The following COPS2 variants were observed in gnomAD, a reference collection of about 807,000 sequenced individuals.
COPS2 encodes the protein COP9 signalosome subunit 2.
In COPS2, 10 loss-of-function variants were observed where a neutral mutation model predicts 66.1. The ratio of observed to expected loss-of-function variants is 0.15; its 90% CI spans 0.09 to 0.26. COPS2 has a LOEUF of 0.26. COPS2 is among the 10% of genes least tolerant of loss of function. The probability of loss-of-function intolerance (pLI) is 1.00; values close to 1 mark genes in which losing one functional copy is unlikely to be tolerated. For synonymous variants in COPS2, 179 were observed against 171.3 expected, an observed-to-expected ratio of 1.04 and a Z score of -0.35; for missense variants, 215 against 513.3, an observed-to-expected ratio of 0.42 and a Z score of 5.62.
intron 6 of COPS2, among the ~76,000 whole-genome samples, chr15:49,136,724 C>G (rs1010729921): frequency 1.3e-5 from 2 of 152,050 alleles, no homozygotes; most frequent in Non-Finnish European, 2.9e-5. Context: ...CATGGTGGCT[C>G]ACACCTGTAA....
At position 49,145,652 on chromosome 15, in the gene COPS2, C is replaced by A. The variant is rs566355798; in HGVS notation, c.55-574G>T. On this transcript the variant is annotated intron_variant, in intron 1 of 12. Transcript: ENST00000388901. ...CTGTTTATACTAATGTTAACTTAAT[C>A]AGCTTTATAACAAATCAAAATAAAT... 1.4e-4 allele frequency among the ~76,000 whole-genome samples: 21 copies of A among 152,104 alleles called. No individual in the cohort carries two copies. The South Asian group carries it at 3.9e-3, about 29-fold the overall frequency.
At position 49,126,765 on chromosome 15, in the gene COPS2, C is replaced by T. The variant is rs1008623248; in HGVS notation, c.*1185G>A. The T allele has an allele frequency of 2.0e-5, 3 of 152,112 alleles. No homozygotes were observed. Among genetic ancestry groups the T allele is most frequent in the African/African-American group, 4.8e-5 (2 of 41,450 alleles). 9.4% of individuals were successfully genotyped at this position (152,112 alleles called of 1,614,324 possible). ...GATTGCCTTCAAAGCCAGTTATATA[C>T]TTTCTGCATTACCTCAAAGTTAGGT... On this transcript the variant is annotated 3_prime_UTR_variant, in exon 13 of 13. Coordinates refer to ENST00000388901, the MANE Select transcript of COPS2 (RefSeq NM_004236.4).
intron 4 of COPS2, among the ~76,000 whole-genome samples, chr15:49,138,647 G>A (rs1249074099): frequency 6.6e-6 from 1 of 152,092 alleles, no homozygotes; most frequent in Non-Finnish European, 1.5e-5. Flanking sequence ...AACAAAACAT[G>A]TAAGTTTACC....
At position 49,123,056 on chromosome 15, in the gene COPS2, C is replaced by T. The variant is rs924184817; in HGVS notation, c.*4894G>A. On this transcript the variant is annotated 3_prime_UTR_variant, in exon 13 of 13. Transcript: ENST00000388901. The stretch of plus-strand genomic sequence containing the variant: ...CTTTCTATTTTCCATGTCATTGCTC[C>T]ATTTCTTGAAATATATTTTAATTTT... 9.2e-5 allele frequency: 14 copies of T among 152,146 alleles called. No homozygotes were observed. The highest frequency in any genetic ancestry group is 3.4e-4 in the African/African-American group (14 of 41,444). The allele number at this position is 152,146 out of a possible 1,614,324, so 9.4% of individuals were successfully genotyped here.
At chr15:49,133,835 T>G in intron 8 of COPS2, 24 bp from the exon 9 acceptor site, 1 of 1,558,280 alleles carries the variant, frequency 6.4e-7, no homozygotes, top group South Asian at 1.2e-5. Flanking sequence ...AGAAAAAAAT[T>G]AAATATATGT....
chr15:49,141,977 T>C (rs1054972670), intron 3 of COPS2, among the ~76,000 whole-genome samples: 7 of 152,192 alleles, frequency 4.6e-5, no homozygotes, highest in Non-Finnish European at 2.9e-5. Context: ...TCACAGAACC[T>C]ACGAGTTAAA....
rs1241084514 is a variant in COPS2, at chr15:49,133,820, A to G, written c.895-9T>C. The G allele has an allele frequency of 6.3e-7, 1 of 1,575,516 alleles. No homozygotes were observed. The highest frequency in any genetic ancestry group is 1.2e-5 in the South Asian group (1 of 83,412). On this transcript the variant is annotated splice_polypyrimidine_tract_variant and intron_variant, in intron 8 of 12. Coordinates refer to ENST00000388901, the MANE Select transcript of COPS2 (RefSeq NM_004236.4). The stretch of plus-strand genomic sequence containing the variant: ...TTTTTGTACGGCTTGGCCTAAACAC[A>G]GTAAAGAAAAAAATTAAATATATGT...
At chr15:49,149,308 CT>C (rs1239250354) in intron 1 of COPS2, among the ~76,000 whole-genome samples, 1 of 152,200 alleles carries the variant, frequency 6.6e-6, no homozygotes, top group African/African-American at 2.4e-5. Context: ...TTCTAAACCA[CT>C]TTCCCTCCTA....
Position 49,130,828 on chromosome 15 carries a change from A to C in COPS2, c.948-12T>G. 7.2e-7 allele frequency: 1 copy of C among 1,396,706 alleles called. No individual in the cohort carries two copies. The highest frequency in any genetic ancestry group is 1.0e-6 in the Non-Finnish European group (1 of 985,716). 86.5% of individuals were successfully genotyped at this position (1,396,706 alleles called of 1,614,324 possible). On this transcript the variant is annotated splice_polypyrimidine_tract_variant and intron_variant, in intron 9 of 12. Transcript: ENST00000388901. ...TATTCTGATAGGCACTAATAGAAAA[A>C]CAAAGTGTAAATTATGTCAAACATG...
chr15:49,128,052 T>A lies in COPS2; in HGVS notation c.1230A>T (p.Glu410Asp). The change falls in exon 13 of 13, where the codon GAA becomes GAT. Residue 410 changes from glutamate (E) to aspartate (D), a missense_variant. Around this residue, in one of 5 missense-constraint regions of COPS2, gnomAD observed 42 missense variants for 55.9 expected, o/e 0.75. Transcript: ENST00000388901. ...GRIDQVNQLL[E>D]LDHQKRGGAR... Reference sequence around the variant, plus strand: ...CACCACCCCTCTTCTGATGATCCAGTTCAAGGAGTTGGTTGACTTGATCAA... The same window carrying A: ...CACCACCCCTCTTCTGATGATCCAGATCAAGGAGTTGGTTGACTTGATCAA... The A allele has an allele frequency of 6.2e-7, 1 of 1,613,948 alleles. No individual in the cohort carries two copies. The highest frequency in any genetic ancestry group is 8.5e-7 in the Non-Finnish European group (1 of 1,179,868).
At chr15:49,143,608 G>A (rs1443024133) in intron 3 of COPS2, among the ~76,000 whole-genome samples, 1 of 152,176 alleles carries the variant, frequency 6.6e-6, no homozygotes, top group East Asian at 1.9e-4. Context: ...CCTAGTCAAT[G>A]GAAGAGAAAC....
rs899851702 is a variant in COPS2, at chr15:49,125,891, A to C, written c.*2059T>G. The stretch of plus-strand genomic sequence containing the variant: ...CACTATTGTACAAAGCAAAGATAGC[A>C]CAGGAGAACTGGGCACTGTAAGAAT... On this transcript the variant is annotated 3_prime_UTR_variant, in exon 13 of 13. Coordinates refer to ENST00000388901, the MANE Select transcript of COPS2 (RefSeq NM_004236.4). 7 of 152,254 alleles carry C rather than the reference A, an allele frequency of 4.6e-5. No individual in the cohort carries two copies. Among genetic ancestry groups the C allele is most frequent in the African/African-American group, 1.7e-4 (7 of 41,584 alleles). 9.4% of individuals were successfully genotyped at this position (152,254 alleles called of 1,614,324 possible). A position where few individuals can be genotyped will look rare whatever the true frequency, so the allele number is the denominator to read the frequency against.
chr15:49,138,401 T>G (rs2084268266), intron 4 of COPS2, among the ~76,000 whole-genome samples: 1 of 152,192 alleles, frequency 6.6e-6, no homozygotes, highest in African/African-American at 2.4e-5. Context: ...CTGTTGTTAC[T>G]TTCAAAAGAC....
chr15:49,155,229 CAGAGAACCGAA>C (rs1326251780), intron 1 of COPS2, among the ~76,000 whole-genome samples: 4 of 152,244 alleles, frequency 2.6e-5, no homozygotes, highest in Non-Finnish European at 5.9e-5. Context: ...AGGCAGAAGA[CAGAGAACCGAA>C]CGCCTGGGAC....
intron 1 of COPS2, among the ~76,000 whole-genome samples, chr15:49,148,827 C>A (rs991523502): frequency 6.6e-6 from 1 of 152,066 alleles, no homozygotes; most frequent in East Asian, 1.9e-4. Flanking sequence ...AATAAAAGTG[C>A]CCATATGGGC....
In COPS2 at chr15:49,123,656, G is replaced by A. The variant is rs768213836; in HGVS notation, c.*4294C>T. 2.6e-5 allele frequency: 4 copies of A among 152,162 alleles called. No homozygotes were observed. The highest frequency in any genetic ancestry group is 6.5e-5 in the Admixed American group (1 of 15,276). 9.4% of individuals were successfully genotyped at this position (152,162 alleles called of 1,614,324 possible). A position where few individuals can be genotyped will look rare whatever the true frequency, so the allele number is the denominator to read the frequency against. ...CACGGAACAAAGTTGCCCCCGAATA[G>A]TAAGTACTTAAGAAATAATTTTTTC... On this transcript the variant is annotated 3_prime_UTR_variant, in exon 13 of 13. Transcript: ENST00000388901.
intron 6 of COPS2, among the ~76,000 whole-genome samples, chr15:49,136,463 G>A (rs1376681522): frequency 6.6e-6 from 1 of 152,106 alleles, no homozygotes; most frequent in East Asian, 1.9e-4. Flanking sequence ...GCTACACATA[G>A]CTGGTGCTAC....
chr15:49,154,256 T>C (rs570227168), intron 1 of COPS2, among the ~76,000 whole-genome samples: 51 of 152,128 alleles, frequency 3.4e-4, no homozygotes, highest in Non-Finnish European at 5.0e-4. Flanking sequence ...AATGGACAGA[T>C]ACATATTCTT....
rs116999444 is a variant in COPS2, at chr15:49,123,195, C to T, written c.*4755G>A. On this transcript the variant is annotated 3_prime_UTR_variant, in exon 13 of 13. Transcript: ENST00000388901. ...CTCAACACTTGGCATTAATATGTTGCTAATAAGCATGCCAAAACTTTTGAC... is the reference window on the plus strand; with the variant it reads ...CTCAACACTTGGCATTAATATGTTGTTAATAAGCATGCCAAAACTTTTGAC... 40 of 152,284 alleles carry T rather than the reference C, an allele frequency of 2.6e-4. 1 individual carries two copies. The East Asian group carries it at 7.5e-3, about 29-fold the overall frequency. 9.4% of individuals were successfully genotyped at this position (152,284 alleles called of 1,614,324 possible).
Sources: allele counts gnomAD v4.1 joint callset (sites outside exome capture counted in the v4.1 genomes callset), GRCh38; gene constraint gnomAD v4.1.1; regional missense constraint gnomAD v4.1.1; transcripts MANE v1.5; gene names NCBI Gene and HGNC (gene_info 2026-07-23, HGNC 2026-07-21).